The following ITGB1 variants were observed in gnomAD, a reference collection of about 807,000 sequenced individuals.
ITGB1 encodes the protein integrin subunit beta 1, also known as integrin beta-1.
In ITGB1, 24 loss-of-function variants were observed where a neutral mutation model predicts 86.5. That is an observed-to-expected ratio of 0.28 (90% confidence interval 0.20 to 0.39). The LOEUF is 0.39. Among genes scored for constraint, ITGB1 ranks in the 10% least tolerant of loss-of-function variants. ITGB1 has a pLI of 1.00. For synonymous variants in ITGB1, 323 were observed against 316.8 expected (o/e 1.02, Z -0.21); for missense variants, 556 against 946.9 (o/e 0.59, Z 5.42).
chr10:32,943,971 G>A lies in ITGB1; in HGVS notation c.1-8413C>T, dbSNP rs73251142. Among the ~76,000 whole-genome samples the A allele has an allele frequency of 4.8e-3, 733 of 152,266 alleles. 12 individuals carry two copies. Among genetic ancestry groups the A allele is most frequent in the African/African-American group, 0.017 (692 of 41,544 alleles). ...ACTCCAGTTGCATAGGTAAAAAGTC[G>A]CCTCAAAGGGCATTAACTCCACTAA... On this transcript the variant is annotated intron_variant, in intron 1 of 15. Transcript: ENST00000302278.
chr10:32,951,846 G>A (rs1260371788), intron 1 of ITGB1: 1 of 152,172 alleles, frequency 6.6e-6, no homozygotes, highest in Non-Finnish European at 1.5e-5. Context: ...AGTGGAGCCA[G>A]CAAAAGAACC....
chr10:32,913,292 G>A (rs540390543), intron 11 of ITGB1, among the ~76,000 whole-genome samples: 56 of 152,258 alleles, frequency 3.7e-4, no homozygotes, highest in Middle Eastern at 3.4e-3. Flanking sequence ...CACCAGCAAC[G>A]GAACAAAGCC....
At chr10:32,932,706 T>C in intron 2 of ITGB1, 106 bp from the exon 3 acceptor site, 1 of 658,694 alleles carries the variant, frequency 1.5e-6, no homozygotes. Flanking sequence ...TAAATATTAA[T>C]ACTATGACCT....
chr10:32,922,542 C>T, intron 8 of ITGB1, 98 bp downstream of exon 8: 3 of 825,740 alleles, frequency 3.6e-6, no homozygotes, highest in Non-Finnish European at 5.8e-6. Flanking sequence ...TTCGGTTTGC[C>T]TATCTGGTGG....
intron 1 of ITGB1, chr10:32,953,662 G>T (rs1285380538): frequency 6.6e-6 from 1 of 152,156 alleles, no homozygotes; most frequent in Non-Finnish European, 1.5e-5. Context: ...GCTTTATAGG[G>T]TAGATGTGGA....
rs749797872 is a variant in ITGB1 at position 32,927,332 on chromosome 10, AAG to A, written c.547+760_547+761del. On this transcript the variant is annotated intron_variant, in intron 5 of 15. Coordinates refer to ENST00000302278, the MANE Select transcript of ITGB1 (RefSeq NM_002211.4). ...CAGGAGTGGAGAGAAGCAGGCAAAA[AAG>A]AGGTTAAGCTGGGGATGCATGAAAT... is the stretch of plus-strand genomic sequence containing the variant. Among the ~76,000 whole-genome samples, 252 of 152,268 alleles carry A rather than the reference AAG, an allele frequency of 1.7e-3. 1 individual carries two copies. Among genetic ancestry groups the A allele is most frequent in the Non-Finnish European group, 2.9e-3 (195 of 68,008 alleles).
At chr10:32,942,560 C>T (rs919291934) in intron 1 of ITGB1, among the ~76,000 whole-genome samples, 1 of 152,188 alleles carries the variant, frequency 6.6e-6, no homozygotes, top group African/African-American at 2.4e-5. Flanking sequence ...GCACAAAGTC[C>T]ATGCTCAAAA....
intron 1 of ITGB1, among the ~76,000 whole-genome samples, chr10:32,942,032 G>A (rs545601510): frequency 3.3e-5 from 5 of 152,220 alleles, no homozygotes; most frequent in East Asian, 1.9e-4. Context: ...GGTGCTAACC[G>A]AACTTATGAA....
At chr10:32,922,775 C>T (rs202071354) in intron 7 of ITGB1, 40 bp from the exon 8 acceptor site, 7 of 1,108,586 alleles carry the variant, frequency 6.3e-6, no homozygotes, top group Non-Finnish European at 9.2e-6. Flanking sequence ...TTAAATACAC[C>T]CTTATAATCT....
At chr10:32,911,413 G>GTATCAAC in intron 13 of ITGB1, 35 bp downstream of exon 13, 1 of 1,552,462 alleles carries the variant, frequency 6.4e-7, no homozygotes, top group Non-Finnish European at 8.9e-7. Flanking sequence ...CCAAGAGGAA[G>GTATCAAC]TATCAACTAT....
chr10:32,939,249 A>G (rs1161664940), intron 1 of ITGB1, among the ~76,000 whole-genome samples: 4 of 152,224 alleles, frequency 2.6e-5, no homozygotes, highest in Admixed American at 2.0e-4. Context: ...TAACAGGGAA[A>G]GATGCCTTTC....
chr10:32,945,818 A>G (rs1405374628), intron 1 of ITGB1, among the ~76,000 whole-genome samples: 3 of 152,216 alleles, frequency 2.0e-5, no homozygotes, highest in African/African-American at 4.8e-5. Context: ...CTGCCTTTAC[A>G]CTAATAAATA....
chr10:32,937,716 T>C lies in ITGB1; in HGVS notation c.1-2158A>G, dbSNP rs543770072. ...AATCTGAAGATAACAAAGAGTTATA[T>C]GCACAATATAAAGACAATGAGGGCC... On this transcript the variant is annotated intron_variant, in intron 1 of 15. Coordinates refer to ENST00000302278, the MANE Select transcript of ITGB1 (RefSeq NM_002211.4). Among the ~76,000 whole-genome samples the C allele has an allele frequency of 1.4e-3, 219 of 152,314 alleles. 1 individual carries two copies. Among genetic ancestry groups the C allele is most frequent in the African/African-American group, 5.0e-3 (208 of 41,580 alleles).
chr10:32,908,257 A>T, intron 15 of ITGB1, 111 bp downstream of exon 15: 1 of 1,076,718 alleles, frequency 9.3e-7, no homozygotes, highest in Non-Finnish European at 1.4e-6. Context: ...TTGGGGGAAT[A>T]AAATACTTAG....
intron 1 of ITGB1, among the ~76,000 whole-genome samples, chr10:32,949,682 A>C (rs1250983417): frequency 4.6e-5 from 7 of 152,186 alleles, no homozygotes. Flanking sequence ...GTTAACCCAA[A>C]TATGTGCAAT....
rs202044859 is a variant in ITGB1, at chr10:32,901,264, C to T, written c.*306G>A. 15 of 245,118 alleles carry T rather than the reference C, an allele frequency of 6.1e-5. No individual in the cohort carries two copies. The South Asian group carries it at 1.6e-3, about 25-fold the overall frequency. 15.2% of individuals were successfully genotyped at this position (245,118 alleles called of 1,614,324 possible). On this transcript the variant is annotated 3_prime_UTR_variant, in exon 16 of 16. Coordinates refer to ENST00000302278, the MANE Select transcript of ITGB1 (RefSeq NM_002211.4). ...TTACTTTAACTATTGCCCTTTCAAT[C>T]GCTATAGAAATATCACTTAATCCAA...
At chr10:32,921,890 A>G (rs1223369226) in intron 9 of ITGB1, among the ~76,000 whole-genome samples, 1 of 152,208 alleles carries the variant, frequency 6.6e-6, no homozygotes, top group Non-Finnish European at 1.5e-5. Flanking sequence ...ACAATTCATC[A>G]GAATAGATGA....
intron 1 of ITGB1, among the ~76,000 whole-genome samples, chr10:32,949,109 T>C (rs886569931): frequency 4.1e-4 from 62 of 152,238 alleles, no homozygotes; most frequent in African/African-American, 1.5e-3. Flanking sequence ...TTTAAAAAAT[T>C]AGAATTTTAT....
rs200905323 is a variant in ITGB1, at chr10:32,910,341, C to T, written c.2046G>A (p.Pro682=). 6.4e-5 allele frequency: 102 copies of T among 1,598,048 alleles called. No homozygotes were observed. In the African/African-American group the frequency reaches 9.8e-4, roughly 15 times the overall value. Residue 682 remains proline, a synonymous_variant, in exon 14 of 16, where the codon CCG becomes CCA. Transcript: ENST00000302278. The part of the protein sequence containing the change: ...KVESRDKLPQ[P]VQPDPVSHCK... ...AATGGGACACAGGATCAGGTTGGAC[C>T]GGCTGGGGTAATTTGTCCCGACTTT...
Sources: allele counts gnomAD v4.1 joint callset (sites outside exome capture counted in the v4.1 genomes callset), GRCh38; gene constraint gnomAD v4.1.1; transcripts MANE v1.5; gene names NCBI Gene and HGNC (gene_info 2026-07-23, HGNC 2026-07-21).